ANKRD6: variants seen among roughly 807,000 people sequenced by gnomAD.
ANKRD6 encodes the protein ankyrin repeat domain 6, also known as ankyrin repeat domain-containing protein 6.
In ANKRD6, 56 loss-of-function variants were observed where a neutral mutation model predicts 82.3. That is an observed-to-expected ratio of 0.68 (90% confidence interval 0.55 to 0.85). The LOEUF (loss-of-function observed/expected upper bound fraction) is 0.85, where lower values mean the gene tolerates loss of function less well. ANKRD6 is among the 40% of genes least tolerant of loss of function. The probability of loss-of-function intolerance (pLI) is 0.00; values close to 1 mark genes in which losing one functional copy is unlikely to be tolerated. For missense variants in ANKRD6, 852 were observed against 907.6 expected (o/e 0.94, Z 0.79); for synonymous variants, 347 against 352.1 (o/e 0.99, Z 0.16).
intron 1 of ANKRD6, among the ~76,000 whole-genome samples, chr6:89,460,365 G>T (rs76630043): frequency 0.012 from 1,885 of 152,034 alleles, 43 homozygotes; most frequent in African/African-American, 0.043. Flanking sequence ...AAGCAACTTA[G>T]ATAAGTAACT....
intron 1 of ANKRD6, among the ~76,000 whole-genome samples, chr6:89,451,043 A>G (rs756773736): frequency 9.9e-5 from 15 of 152,158 alleles, no homozygotes; most frequent in African/African-American, 2.2e-4. Flanking sequence ...TGCCATGGCT[A>G]ACGCCTGTAA....
chr6:89,477,696 G>C (rs922075691), intron 1 of ANKRD6, among the ~76,000 whole-genome samples: 11 of 150,238 alleles, frequency 7.3e-5, no homozygotes, highest in Non-Finnish European at 1.2e-4. Context: ...GCATGAACCC[G>C]GGGGGTGGAG....
At chr6:89,605,060 C>T (rs1980879) in intron 4 of ANKRD6, among the ~76,000 whole-genome samples, 125,405 of 150,932 alleles carry the variant, frequency 0.83, 53,524 homozygotes, top group Non-Finnish European at 0.95. Context: ...TAAGCAAATA[C>T]GAGCTATGTT....
intron 1 of ANKRD6, among the ~76,000 whole-genome samples, chr6:89,472,995 C>A (rs1412397708): frequency 6.6e-6 from 1 of 152,054 alleles, no homozygotes; most frequent in Non-Finnish European, 1.5e-5. Context: ...TCCCTAATCT[C>A]GCATCCCAAA....
chr6:89,445,268 T>TC, intron 1 of ANKRD6, among the ~76,000 whole-genome samples: 1 of 136,962 alleles, frequency 7.3e-6, no homozygotes, highest in Admixed American at 7.3e-5. Context: ...ATCTTTCTTT[T>TC]TTTTTTTTTT....
At position 89,590,925 on chromosome 6, in the gene ANKRD6, A is replaced by G. The variant is rs115795233; in HGVS notation, c.121-4991A>G. ...TAAAATTCTTAAGATAGTGCCTTCT[A>G]CGCAATAAATGGACCCAAGCGTTCA... On this transcript the variant is annotated intron_variant, in intron 2 of 15. Transcript: ENST00000339746. Among the ~76,000 whole-genome samples the G allele has an allele frequency of 8.2e-3, 1,244 of 152,272 alleles. 17 individuals are homozygous for G. The highest frequency in any genetic ancestry group is 0.029 in the African/African-American group (1,193 of 41,548).
chr6:89,485,134 A>G (rs779631317), intron 1 of ANKRD6, among the ~76,000 whole-genome samples: 1 of 152,214 alleles, frequency 6.6e-6, no homozygotes, highest in Non-Finnish European at 1.5e-5. Context: ...CCAAATATCA[A>G]TGACACCCCT....
chr6:89,518,479 G>A (rs1310311146), intron 1 of ANKRD6, among the ~76,000 whole-genome samples: 1 of 152,152 alleles, frequency 6.6e-6, no homozygotes, highest in East Asian at 1.9e-4. Context: ...ACGAGTCCAT[G>A]GGAACATGGA....
At chr6:89,539,640 A>G (rs916072318) in intron 1 of ANKRD6, among the ~76,000 whole-genome samples, 5 of 152,132 alleles carry the variant, frequency 3.3e-5, no homozygotes, top group African/African-American at 1.2e-4. Context: ...TGAGGTGTCC[A>G]TCCCCTCAAA....
chr6:89,563,118 C>G (rs563488536), intron 1 of ANKRD6, among the ~76,000 whole-genome samples: 2 of 152,124 alleles, frequency 1.3e-5, no homozygotes, highest in Non-Finnish European at 2.9e-5. Context: ...GCAAATTCTC[C>G]AAAGTATAGG....
At chr6:89,619,516 G>A (rs1168135687) in intron 9 of ANKRD6, 1 of 152,160 alleles carries the variant, frequency 6.6e-6, no homozygotes, top group African/African-American at 2.4e-5. Context: ...AAAGGGCAAA[G>A]AGCCTTACTG....
intron 1 of ANKRD6, among the ~76,000 whole-genome samples, chr6:89,453,704 C>T (rs574076625): frequency 1.5e-3 from 230 of 151,788 alleles, no homozygotes; most frequent in South Asian, 1.0e-3. Flanking sequence ...CTCGGCCTGC[C>T]GAGTAGCTGA....
At chr6:89,452,548 G>A (rs1248568742) in intron 1 of ANKRD6, among the ~76,000 whole-genome samples, 1 of 152,194 alleles carries the variant, frequency 6.6e-6, no homozygotes, top group Non-Finnish European at 1.5e-5. Context: ...GTTGCACTAG[G>A]ATCAGGGAGG....
chr6:89,514,400 TTTTTG>T (rs889191182), intron 1 of ANKRD6, among the ~76,000 whole-genome samples: 9 of 151,800 alleles, frequency 5.9e-5, no homozygotes, highest in African/African-American at 1.7e-4. Context: ...TTTTTTGGAG[TTTTTG>T]TTTTGTTTTG....
At chr6:89,544,240 ATTG>A (rs36067590) in intron 1 of ANKRD6, among the ~76,000 whole-genome samples, 49,470 of 151,962 alleles carry the variant, frequency 0.33, 8,269 homozygotes, top group African/African-American at 0.35. Context: ...ACACGAGGCC[ATTG>A]TTGTGCTCAG....
At chr6:89,561,516 G>A (rs1012585197) in intron 1 of ANKRD6, 10 of 152,186 alleles carry the variant, frequency 6.6e-5, no homozygotes, top group Admixed American at 6.5e-4. Flanking sequence ...TCAGAAGGAG[G>A]AAGTGTTCTG....
Position 89,624,585 on chromosome 6 carries a change from A to G in ANKRD6, c.1265A>G (p.Glu422Gly). The G allele has an allele frequency of 6.4e-7, 1 of 1,558,404 alleles. No individual in the cohort carries two copies. The highest frequency in any genetic ancestry group is 8.7e-7 in the Non-Finnish European group (1 of 1,150,656). ...TGTGAACCTCTAATCAACAAGCTGG[A>G]GAATCAGTTGGAGGCTACTGTGGAG... ...CRCEPLINKL[E>G]NQLEATVEEI... The change falls in exon 13 of 16, where the codon GAG (glutamate) becomes GGG (glycine). Residue 422 changes from glutamate to glycine, a missense_variant. Coordinates refer to ENST00000339746, the MANE Select transcript of ANKRD6 (RefSeq NM_001242809.2).
chr6:89,451,547 A>G (rs1390589648), intron 1 of ANKRD6, among the ~76,000 whole-genome samples: 4 of 152,212 alleles, frequency 2.6e-5, no homozygotes, highest in Non-Finnish European at 4.4e-5. Context: ...TCCTGGAGAA[A>G]AGCCCATTTT....
At chr6:89,525,703 G>A (rs1782414612) in intron 1 of ANKRD6, among the ~76,000 whole-genome samples, 1 of 152,140 alleles carries the variant, frequency 6.6e-6, no homozygotes, top group Admixed American at 6.5e-5. Context: ...AGTTATGAGG[G>A]GAGTCCTGCA....
Sources: gnomAD v4.1 joint callset for allele counts (sites outside exome capture counted in the v4.1 genomes callset) on GRCh38, gnomAD v4.1.1 for gene constraint, MANE v1.5 for transcripts, NCBI Gene and HGNC (gene_info 2026-07-23, HGNC 2026-07-21) for gene names.